The following COL19A1 variants were observed in gnomAD, a reference collection of about 807,000 sequenced individuals.
The protein encoded by COL19A1 is collagen type XIX alpha 1 chain, also known as collagen alpha-1(XIX) chain.
COL19A1 carries 159 observed loss-of-function variants against 190.2 expected under a neutral mutation model. That is an observed-to-expected ratio of 0.84 (90% confidence interval 0.73 to 0.95). The LOEUF is 0.95. Ranked by LOEUF, COL19A1 falls within the 40% of genes least tolerant of loss-of-function variation. COL19A1 has a pLI of 0.00. For synonymous variants in COL19A1, 509 were observed against 458.9 expected (o/e 1.11, Z -1.39); for missense variants, 1,418 against 1,431.9 (o/e 0.99, Z 0.16).
intron 42 of COL19A1, among the ~76,000 whole-genome samples, chr6:70,177,902 A>G (rs1456919500): frequency 6.6e-6 from 1 of 152,200 alleles, no homozygotes; most frequent in Non-Finnish European, 1.5e-5. Flanking sequence ...ATCTTCTAGG[A>G]AAAAATACTG....
intron 11 of COL19A1, among the ~76,000 whole-genome samples, chr6:70,020,020 A>G (rs1392204964): frequency 6.6e-6 from 1 of 152,112 alleles, no homozygotes; most frequent in Non-Finnish European, 1.5e-5. Context: ...TTTTCTTTCA[A>G]GAGTGATAGA....
chr6:69,932,939 A>T, intron 7 of COL19A1, 76 bp downstream of exon 7: 1 of 961,386 alleles, frequency 1.0e-6, no homozygotes, highest in South Asian at 1.5e-5. Context: ...TAGAGTCCAA[A>T]TGTAGGGTAG....
At chr6:70,045,398 C>T (rs1239494464) in intron 14 of COL19A1, among the ~76,000 whole-genome samples, 1 of 150,296 alleles carries the variant, frequency 6.7e-6, no homozygotes, top group African/African-American at 2.4e-5. Flanking sequence ...TGTCTTTTCT[C>T]CTTAGAATGG....
intron 6 of COL19A1, among the ~76,000 whole-genome samples, chr6:69,930,010 G>A (rs565622858): frequency 6.6e-6 from 1 of 152,188 alleles, no homozygotes; most frequent in East Asian, 1.9e-4. Flanking sequence ...TATAAACTTG[G>A]TCTAAGTTCA....
rs537975087 is a variant in COL19A1, at chr6:69,919,232, AG to A, written c.267-8675del. Among the ~76,000 whole-genome samples, 26 of 152,282 alleles carry A rather than the reference AG, an allele frequency of 1.7e-4. No homozygotes were observed. The East Asian group carries it at 4.6e-3, about 27-fold the overall frequency. ...ACAGATCTCTGCTCTGTGCTTTCCA[AG>A]GTGAGAATTAATTATTACATAGTTT... On this transcript the variant is annotated intron_variant, in intron 4 of 50. Transcript: ENST00000620364.
intron 16 of COL19A1, among the ~76,000 whole-genome samples, chr6:70,108,073 T>A (rs1265235842): frequency 6.6e-6 from 1 of 152,142 alleles, no homozygotes; most frequent in African/African-American, 2.4e-5. Context: ...TCAGTTCCTT[T>A]AGAAAAGAGA....
intron 14 of COL19A1, among the ~76,000 whole-genome samples, chr6:70,043,660 T>C (rs530162477): frequency 6.6e-5 from 10 of 152,254 alleles, no homozygotes; most frequent in East Asian, 5.8e-4. Flanking sequence ...GCAGGAATAT[T>C]TTGAAAGAAA....
intron 7 of COL19A1, among the ~76,000 whole-genome samples, chr6:69,934,556 T>G (rs550955088): frequency 6.6e-6 from 1 of 152,036 alleles, no homozygotes; most frequent in South Asian, 2.1e-4. Context: ...TTAAGAAGTA[T>G]AGGTGATGAA....
intron 48 of COL19A1, among the ~76,000 whole-genome samples, chr6:70,191,646 G>T (rs1766881561): frequency 1.3e-5 from 2 of 152,080 alleles, no homozygotes; most frequent in African/African-American, 4.8e-5. Flanking sequence ...ACATTTCTTT[G>T]TCTATTTGCA....
chr6:70,111,012 T>A (rs750955336), intron 16 of COL19A1, among the ~76,000 whole-genome samples: 10 of 152,186 alleles, frequency 6.6e-5, no homozygotes, highest in Non-Finnish European at 1.3e-4. Context: ...ACATTAAGAT[T>A]TGAGAAGTCA....
chr6:69,898,076 C>A (rs1176294681), intron 2 of COL19A1, among the ~76,000 whole-genome samples: 1 of 150,070 alleles, frequency 6.7e-6, no homozygotes, highest in Non-Finnish European at 1.5e-5. Flanking sequence ...ATATTAAAAA[C>A]TTCTTAGTTA....
intron 44 of COL19A1, among the ~76,000 whole-genome samples, chr6:70,184,272 A>G (rs1372495195): frequency 6.6e-6 from 1 of 152,198 alleles, no homozygotes; most frequent in African/African-American, 2.4e-5. Flanking sequence ...AACCTGTTAG[A>G]AGGTAACAAA....
intron 11 of COL19A1, among the ~76,000 whole-genome samples, chr6:70,002,246 G>A (rs1272139546): frequency 6.6e-6 from 1 of 152,160 alleles, no homozygotes; most frequent in African/African-American, 2.4e-5. Context: ...GTTTTTTGAT[G>A]TGCTGCTGGA....
In COL19A1 at chr6:70,208,919, G is replaced by A. The variant is rs192758298; in HGVS notation, c.*1645G>A. The A allele has an allele frequency of 1.3e-4, 20 of 152,644 alleles. No individual in the cohort carries two copies. Among genetic ancestry groups the A allele is most frequent in the Admixed American group, 7.2e-4 (11 of 15,294 alleles). 9.5% of individuals were successfully genotyped at this position (152,644 alleles called of 1,614,324 possible). On this transcript the variant is annotated 3_prime_UTR_variant, in exon 51 of 51. Coordinates refer to ENST00000620364, the MANE Select transcript of COL19A1 (RefSeq NM_001858.6). ...TGCTGGTCAGGTACTGTCTACAATG[G>A]CTGTGCATACCTATAACATTTTAGG...
intron 1 of COL19A1, among the ~76,000 whole-genome samples, chr6:69,873,871 G>A (rs1024191813): frequency 4.6e-5 from 7 of 152,148 alleles, no homozygotes; most frequent in Admixed American, 4.6e-4. Context: ...AAATTTGAGG[G>A]CCTTAAGAAA....
At chr6:70,124,224 G>A (rs2150215155) in intron 17 of COL19A1, among the ~76,000 whole-genome samples, 1 of 152,250 alleles carries the variant, frequency 6.6e-6, no homozygotes, top group Admixed American at 6.5e-5. Context: ...GACACCTGCT[G>A]TTATAAAATA....
At chr6:70,045,933 T>A (rs1779886817) in intron 14 of COL19A1, among the ~76,000 whole-genome samples, 1 of 152,228 alleles carries the variant, frequency 6.6e-6, no homozygotes. Flanking sequence ...CCCTCCAGTA[T>A]CTGCCTGCTT....
At chr6:70,180,692 C>G (rs1368243575) in intron 44 of COL19A1, among the ~76,000 whole-genome samples, 169 bp downstream of exon 44, 1 of 152,104 alleles carries the variant, frequency 6.6e-6, no homozygotes, top group East Asian at 1.9e-4. Flanking sequence ...ATTGAGTTCC[C>G]TAGATCTGTG....
chr6:69,954,263 C>G (rs1432181488), intron 9 of COL19A1, among the ~76,000 whole-genome samples: 1 of 151,964 alleles, frequency 6.6e-6, no homozygotes, highest in Non-Finnish European at 1.5e-5. Context: ...TAGAGTGTGT[C>G]TATACACCCT....
Sources: gnomAD v4.1 joint callset for allele counts (sites outside exome capture counted in the v4.1 genomes callset) on GRCh38, gnomAD v4.1.1 for gene constraint, MANE v1.5 for transcripts, NCBI Gene and HGNC (gene_info 2026-07-23, HGNC 2026-07-21) for gene names.